The following RNF10 variants were observed in gnomAD, a reference collection of about 807,000 sequenced individuals.
The protein encoded by RNF10 is E3 ubiquitin-protein ligase RNF10.
A neutral mutation model predicts 91.4 loss-of-function variants in RNF10; 38 were observed. The observed-to-expected ratio is 0.42, with a 90% confidence interval of 0.32 to 0.54. RNF10 has a LOEUF of 0.54. RNF10 is among the 20% of genes least tolerant of loss of function. RNF10 has a pLI of 0.16. For synonymous variants in RNF10, 364 were observed against 366.3 expected (o/e 0.99, Z 0.07); for missense variants, 945 against 1,012.0 (o/e 0.93, Z 0.90).
chr12:120,559,573 C>T (rs1242979301), intron 6 of RNF10, among the ~76,000 whole-genome samples: 3 of 152,018 alleles, frequency 2.0e-5, no homozygotes, highest in South Asian at 2.1e-4. Context: ...TTAGTAGAGA[C>T]GGGGTTTCAC....
intron 4 of RNF10, among the ~76,000 whole-genome samples, chr12:120,555,635 G>A (rs111406025): frequency 2.0e-4 from 30 of 151,810 alleles, no homozygotes; most frequent in African/African-American, 6.5e-4. Flanking sequence ...CTACAGGCAC[G>A]CACCACCACT....
intron 1 of RNF10, among the ~76,000 whole-genome samples, chr12:120,541,899 C>A (rs1670367378): frequency 1.3e-5 from 2 of 151,490 alleles, no homozygotes; most frequent in South Asian, 4.2e-4. Context: ...TGGAGTCTCA[C>A]TGTGTCTCCC....
Position 120,565,159 on chromosome 12 carries a change from G to A in RNF10, c.1753G>A (p.Val585Ile), listed in dbSNP as rs1565966138. ...TGAACTGGCTTTGCAACCTCCTGTGGTCTCTAAGGAAACCCTAGAGATGTT... is the reference window on the plus strand; with the variant it reads ...TGAACTGGCTTTGCAACCTCCTGTGATCTCTAAGGAAACCCTAGAGATGTT... ...ICELALQPPV[V>I]SKETLEMFSD... Residue 585 changes from valine to isoleucine, a missense_variant, in exon 11 of 17, where the codon GTC becomes ATC. Transcript: ENST00000325954. 6.2e-7 allele frequency: 1 copy of A among 1,612,860 alleles called. No individual in the cohort carries two copies. Among genetic ancestry groups the A allele is most frequent in the Non-Finnish European group, 8.5e-7 (1 of 1,178,882 alleles).
intron 6 of RNF10, among the ~76,000 whole-genome samples, chr12:120,559,049 CTT>C (rs1217767105): frequency 1.3e-4 from 15 of 112,984 alleles, no homozygotes; most frequent in South Asian, 3.1e-4. Context: ...ATTAAATTAA[CTT>C]TTAATTTTAA....
At chr12:120,567,190 A>G (rs1271380964) in intron 13 of RNF10, among the ~76,000 whole-genome samples, 1 of 152,078 alleles carries the variant, frequency 6.6e-6, no homozygotes, top group African/African-American at 2.4e-5. Context: ...TAAGCACCTC[A>G]AGGAGCTCTT....
chr12:120,534,486 A>C lies in RNF10; in HGVS notation c.-326A>C. On this transcript the variant is annotated 5_prime_UTR_variant, in exon 1 of 17. Coordinates refer to ENST00000325954, the MANE Select transcript of RNF10 (RefSeq NM_014868.5). Reference sequence around the variant, plus strand: ...GCCCTCTCCCCTGCCTCGCGGCGGGAGAGCGTGTCCGGCCGGCCGGCCGGC... The same window carrying C: ...GCCCTCTCCCCTGCCTCGCGGCGGGCGAGCGTGTCCGGCCGGCCGGCCGGC... 5.0e-6 allele frequency: 1 copy of C among 200,460 alleles called. No homozygotes were observed. The highest frequency in any genetic ancestry group is 6.5e-5 in the Admixed American group (1 of 15,420). The allele number at this position is 200,460 out of a possible 1,614,324, so 12.4% of individuals were successfully genotyped here. A position where few individuals can be genotyped will look rare whatever the true frequency, so the allele number is the denominator to read the frequency against.
intron 13 of RNF10, among the ~76,000 whole-genome samples, chr12:120,570,039 C>A (rs928852058): frequency 2.0e-5 from 3 of 151,870 alleles, no homozygotes; most frequent in African/African-American, 7.3e-5. Flanking sequence ...TAGCGTGCCA[C>A]CATGCCTGGC....
In RNF10 at chr12:120,546,550, C is replaced by T. The variant is rs766798936; in HGVS notation, c.303C>T (p.Gly101=). The T allele has an allele frequency of 3.5e-5, 57 of 1,613,914 alleles. No individual in the cohort carries two copies. Among genetic ancestry groups the T allele is most frequent in the Non-Finnish European group, 4.6e-5 (54 of 1,179,972 alleles). ...TFNKMPPQRG[G]GSSKLFSSSF... Reference sequence around the variant, plus strand: ...ACAAGATGCCTCCTCAAAGGGGCGGCGGCAGCAGCAAACTCTTTAGCTCTT... The same window carrying T: ...ACAAGATGCCTCCTCAAAGGGGCGGTGGCAGCAGCAAACTCTTTAGCTCTT... Residue 101 remains glycine (G), a synonymous_variant, in exon 2 of 17, where the codon GGC becomes GGT. Transcript: ENST00000325954.
At chr12:120,544,182 G>A (rs140658625) in intron 1 of RNF10, among the ~76,000 whole-genome samples, 87 of 149,534 alleles carry the variant, frequency 5.8e-4, no homozygotes, top group African/African-American at 1.9e-3. Context: ...AGCCGAGATT[G>A]CGCCACTGCA....
intron 13 of RNF10, 36 bp from the exon 14 acceptor site, chr12:120,571,155 G>C (rs2280168): frequency 1.4e-6 from 2 of 1,449,040 alleles, no homozygotes; most frequent in Non-Finnish European, 1.9e-6. Context: ...CCCTTGGAAC[G>C]TGACGAATAT....
chr12:120,538,481 T>C (rs946019740), intron 1 of RNF10, among the ~76,000 whole-genome samples: 1 of 152,232 alleles, frequency 6.6e-6, no homozygotes, highest in African/African-American at 2.4e-5. Flanking sequence ...CCTGGGCTAA[T>C]TGCCTGAACA....
At position 120,565,446 on chromosome 12, in the gene RNF10, A is replaced by G; in HGVS notation, c.1802A>G (p.Lys601Arg). ...TCTGCAGATGACATTGAGAAGAGGAAACGTCAGCGCCAAAAGAAGGCTCGG... is the reference window on the plus strand; with the variant it reads ...TCTGCAGATGACATTGAGAAGAGGAGACGTCAGCGCCAAAAGAAGGCTCGG... ...EMFSDDIEKR[K>R]RQRQKKAREE... Residue 601 changes from lysine (K) to arginine (R), a missense_variant, in exon 12 of 17, where the codon AAA becomes AGA. Coordinates refer to ENST00000325954, the MANE Select transcript of RNF10 (RefSeq NM_014868.5). 9 of 1,614,112 alleles carry G rather than the reference A, an allele frequency of 5.6e-6. No homozygotes were observed. The highest frequency in any genetic ancestry group is 2.2e-5 in the East Asian group (1 of 44,886).
At chr12:120,541,584 G>A (rs1377980699) in intron 1 of RNF10, among the ~76,000 whole-genome samples, 3 of 151,616 alleles carry the variant, frequency 2.0e-5, no homozygotes, top group South Asian at 2.1e-4. Flanking sequence ...ACAGGCGCCC[G>A]CCACCAAGCC....
chr12:120,565,579 A>G, intron 12 of RNF10, 50 bp downstream of exon 12: 1 of 1,507,632 alleles, frequency 6.6e-7, no homozygotes. Flanking sequence ...ACGTCGTTGT[A>G]TAGAACTCTG....
rs1300654785 is a variant in RNF10 at position 120,572,921 on chromosome 12, T to TTA, written c.2142+1630_2142+1631insTA. 5.5e-4 allele frequency among the ~76,000 whole-genome samples: 83 copies of TTA among 150,432 alleles called. No homozygotes were observed. The Middle Eastern group carries it at 0.01, about 18-fold the overall frequency. On this transcript the variant is annotated intron_variant, in intron 14 of 16. Transcript: ENST00000325954. ...TGGCCTTTTTTTTTTTTTTTTTTTT[T>TTA]AAACTAGGCTTTATTGCTATTGCTT... is the stretch of plus-strand genomic sequence containing the variant.
chr12:120,543,085 T>C (rs914124285), intron 1 of RNF10, among the ~76,000 whole-genome samples: 2 of 152,186 alleles, frequency 1.3e-5, no homozygotes, highest in Non-Finnish European at 2.9e-5. Flanking sequence ...TGGTCTCTGA[T>C]TTATTAACTT....
rs779493764 is a variant in RNF10, at chr12:120,563,061, A to G, written c.1245A>G (p.Gln415=). 10 of 1,613,918 alleles carry G rather than the reference A, an allele frequency of 6.2e-6. No homozygotes were observed. The highest frequency in any genetic ancestry group is 5.3e-5 in the African/African-American group (4 of 74,886). Residue 415 remains glutamine (Q), a synonymous_variant, in exon 8 of 17, where the codon CAA becomes CAG. Coordinates refer to ENST00000325954, the MANE Select transcript of RNF10 (RefSeq NM_014868.5). The part of the protein sequence containing the change: ...MAPLAKESVF[Q]PRKGVLEYLS... ...CCTTGGCGAAGGAGTCTGTTTTTCA[A>G]CCCAGGAAGGTTAGTGTGTTCCTGT...
At chr12:120,559,546 G>A (rs1874530359) in intron 6 of RNF10, among the ~76,000 whole-genome samples, 1 of 151,822 alleles carries the variant, frequency 6.6e-6, no homozygotes, top group African/African-American at 2.4e-5. Flanking sequence ...CACCACACCT[G>A]GCTAGTTTTT....
chr12:120,534,772 C>T lies in RNF10; in HGVS notation c.-40C>T, dbSNP rs1442570028. The T allele has an allele frequency of 2.0e-6, 3 of 1,528,154 alleles. No homozygotes were observed. The highest frequency in any genetic ancestry group is 2.5e-5 in the East Asian group (1 of 39,908). 94.7% of individuals were successfully genotyped at this position (1,528,154 alleles called of 1,614,324 possible). A position where few individuals can be genotyped will look rare whatever the true frequency, so the allele number is the denominator to read the frequency against. On this transcript the variant is annotated 5_prime_UTR_variant, in exon 1 of 17. Coordinates refer to ENST00000325954, the MANE Select transcript of RNF10 (RefSeq NM_014868.5). ...CATGAGCCTGGGTCCCCGCCGCGCC[C>T]GCTCCGCTCCGACTGCCGTCGCCGC...
Sources: gnomAD v4.1 joint callset for allele counts (sites outside exome capture counted in the v4.1 genomes callset) on GRCh38, gnomAD v4.1.1 for gene constraint, MANE v1.5 for transcripts, NCBI Gene and HGNC (gene_info 2026-07-23, HGNC 2026-07-21) for gene names.